The following DDX24 variants were observed in gnomAD, a reference collection of about 807,000 sequenced individuals.
The protein encoded by DDX24 is ATP-dependent RNA helicase DDX24.
A neutral mutation model predicts 68.9 loss-of-function variants in DDX24; 24 were observed. That is an observed-to-expected ratio of 0.35 (90% CI 0.25 to 0.49). The LOEUF (loss-of-function observed/expected upper bound fraction) is 0.49, where lower values mean the gene tolerates loss of function less well. Among genes scored for constraint, DDX24 ranks in the 20% least tolerant of loss-of-function variants. DDX24 has a pLI of 0.99. For missense variants in DDX24, 989 were observed against 1,039.0 expected (o/e 0.95, Z 0.66); for synonymous variants, 395 against 385.2 (o/e 1.03, Z -0.30).
intron 8 of DDX24, chr14:94,051,828 A>C: frequency 4.9e-6 from 1 of 203,406 alleles, no homozygotes; most frequent in Non-Finnish European, 9.7e-6. Context: ...TCTTCCTATG[A>C]CCCACCCACT....
At chr14:94,058,707 C>T (rs755361210) in intron 5 of DDX24, among the ~76,000 whole-genome samples, 1 of 152,184 alleles carries the variant, frequency 6.6e-6, no homozygotes, top group Non-Finnish European at 1.5e-5. Flanking sequence ...CTTCAGGGTC[C>T]TCACTCCCTG....
Position 94,053,064 on chromosome 14 carries a change from G to A in DDX24, c.2242C>T (p.His748Tyr). The change falls in exon 8 of 9, where the codon CAC (histidine) becomes TAC (tyrosine). Residue 748 changes from histidine to tyrosine, a missense_variant. This residue lies in a region of DDX24 where 691 missense variants were observed against 760.0 expected (regional missense o/e 0.91). Coordinates refer to ENST00000621632, the MANE Select transcript of DDX24 (RefSeq NM_020414.4). The part of the protein sequence containing the change: ...SEYRNFQACL[H>Y]NSWIEQAAAA... ...GCTGCCTGCTCAATCCAAGAGTTGT[G>A]CAGGCAAGCCTGGAAGTTCCGATAC... 1.9e-6 allele frequency: 3 copies of A among 1,614,194 alleles called. No individual in the cohort carries two copies. Among genetic ancestry groups the A allele is most frequent in the Non-Finnish European group, 2.5e-6 (3 of 1,180,020 alleles).
At chr14:94,055,212 T>C (rs369332466) in intron 6 of DDX24, 28 bp from the exon 7 acceptor site, 15 of 1,602,420 alleles carry the variant, frequency 9.4e-6, no homozygotes, top group African/African-American at 5.3e-5. Context: ...GGGAGATCAA[T>C]ACATGGCCAC....
chr14:94,061,854 C>T (rs1885603585), intron 3 of DDX24, among the ~76,000 whole-genome samples: 1 of 152,154 alleles, frequency 6.6e-6, no homozygotes. Context: ...GTTTGCTAAT[C>T]CCTGCCCTGA....
At chr14:94,071,529 A>G (rs1279247006) in intron 2 of DDX24, among the ~76,000 whole-genome samples, 1 of 152,190 alleles carries the variant, frequency 6.6e-6, no homozygotes, top group Non-Finnish European at 1.5e-5. Flanking sequence ...GGCACCTGTA[A>G]TCCCAGCTAC....
intron 7 of DDX24, among the ~76,000 whole-genome samples, chr14:94,054,212 G>A (rs1885449167): frequency 6.6e-6 from 1 of 152,118 alleles, no homozygotes; most frequent in South Asian, 2.1e-4. Flanking sequence ...GGGAAGCCTG[G>A]GTGGCTCCTA....
chr14:94,060,476 A>G lies in DDX24; in HGVS notation c.1535T>C (p.Leu512Pro). The change falls in exon 5 of 9, where the codon CTG becomes CCG. Residue 512 changes from leucine (L) to proline (P), a missense_variant. Physicochemically the swap from Leu to Pro is moderately conservative, Grantham distance 98. Coordinates refer to ENST00000621632, the MANE Select transcript of DDX24 (RefSeq NM_020414.4). The part of the protein sequence containing the change: ...QTLVFSATLT[L>P]VHQAPARILH... Reference sequence around the variant, plus strand: ...GATTCGAGCAGGAGCCTGATGCACCAGGGTGAGTGTGGCAGAAAAAACAAG... The same window carrying G: ...GATTCGAGCAGGAGCCTGATGCACCGGGGTGAGTGTGGCAGAAAAAACAAG... 1 of 1,614,174 alleles carries G rather than the reference A, an allele frequency of 6.2e-7. No individual in the cohort carries two copies. The highest frequency in any genetic ancestry group is 8.5e-7 in the Non-Finnish European group (1 of 1,180,036).
chr14:94,073,295 G>C (rs1336844339), intron 2 of DDX24, among the ~76,000 whole-genome samples: 2 of 152,032 alleles, frequency 1.3e-5, no homozygotes, highest in Admixed American at 1.3e-4. Flanking sequence ...ATGTTGGCCA[G>C]GCTGGTTTTG....
chr14:94,073,089 T>TTC (rs1279151950), intron 2 of DDX24, among the ~76,000 whole-genome samples: 1 of 146,258 alleles, frequency 6.8e-6, no homozygotes, highest in African/African-American at 2.5e-5. Context: ...TTCTTTTCTT[T>TTC]TTTTTTTTTT....
chr14:94,062,379 T>A lies in DDX24; in HGVS notation c.961A>T (p.Thr321Ser). The A allele has an allele frequency of 6.2e-7, 1 of 1,614,198 alleles. No homozygotes were observed. The highest frequency in any genetic ancestry group is 8.5e-7 in the Non-Finnish European group (1 of 1,180,038). Residue 321 changes from threonine (T) to serine (S), a missense_variant, in exon 3 of 9, where the codon ACT becomes TCT. By Grantham distance (58) the Thr-to-Ser change is moderately conservative. Around this residue, in one of 3 missense-constraint regions of DDX24, gnomAD observed 691 missense variants for 760.0 expected, o/e 0.91. Transcript: ENST00000621632. The stretch of plus-strand genomic sequence containing the variant: ...GCCTGGTCTGAGACAGTGCCTCCAG[T>A]CTTGGCTCTGGCCTCGGCTGCAATA... The part of the protein sequence containing the change: ...SDIAAEARAK[T>S]GGTVSDQALL...
In DDX24 at chr14:94,062,563, C is replaced by A; in HGVS notation, c.777G>T (p.Gln259His). The change falls in exon 3 of 9, where the codon CAG (glutamine) becomes CAT (histidine). Residue 259 changes from glutamine (Q) to histidine (H), a missense_variant. By Grantham distance (24) the Gln-to-His change is conservative (BLOSUM62 0). Transcript: ENST00000621632. ...IPMIHAVLQW[Q>H]KRNAAPPPSN... The stretch of plus-strand genomic sequence containing the variant: ...TTGGAGGAGGGGCAGCATTCCTCTT[C>A]TGCCACTGCAACACCGCATGAATCA... 4 of 1,614,052 alleles carry A rather than the reference C, an allele frequency of 2.5e-6. No individual in the cohort carries two copies. The highest frequency in any genetic ancestry group is 3.4e-6 in the Non-Finnish European group (4 of 1,179,978).
chr14:94,053,312 T>G, intron 7 of DDX24, 185 bp from the exon 8 acceptor site: 1 of 367,550 alleles, frequency 2.7e-6, no homozygotes. Context: ...TCCTCCCACC[T>G]CAGCCTCCCA....
rs1451343000 is a variant in DDX24, at chr14:94,079,426, T to C, written c.317A>G (p.Asn106Ser). Reference protein sequence around the residue: ...KKKIKLKKSKNVATEGTSTQK... With the variant: ...KKKIKLKKSKSVATEGTSTQK... ...GGTACTGGTTCCTTCAGTTGCTACA[T>C]TTTTACTTTTCTTCAACTTGATCTT... The change falls in exon 2 of 9, where the codon AAT (asparagine) becomes AGT (serine). Residue 106 changes from asparagine to serine, a missense_variant. Asn to Ser is a conservative substitution (Grantham distance 46). Transcript: ENST00000621632. 7 of 1,614,044 alleles carry C rather than the reference T, an allele frequency of 4.3e-6. No homozygotes were observed. The highest frequency in any genetic ancestry group is 5.9e-6 in the Non-Finnish European group (7 of 1,180,030).
Position 94,079,831 on chromosome 14 carries a change from G to T in DDX24, c.-5-84C>A. The stretch of plus-strand genomic sequence containing the variant: ...TAACAAATATTTTCTAAGCAACTAG[G>T]CCCTACAAAGAACTGAGGATACAAA... On this transcript the variant is annotated intron_variant, in intron 1 of 8. Coordinates refer to ENST00000621632, the MANE Select transcript of DDX24 (RefSeq NM_020414.4). 3.9e-6 allele frequency: 5 copies of T among 1,268,798 alleles called. No individual in the cohort carries two copies. In the South Asian group the frequency reaches 5.5e-5, roughly 14 times the overall value. The allele number at this position is 1,268,798 out of a possible 1,614,324, so 78.6% of individuals were successfully genotyped here.
chr14:94,051,173 A>C lies in DDX24; in HGVS notation c.*18T>G. The C allele has an allele frequency of 6.7e-7, 1 of 1,483,818 alleles. No individual in the cohort carries two copies. Among genetic ancestry groups the C allele is most frequent in the Non-Finnish European group, 8.9e-7 (1 of 1,124,002 alleles). 91.9% of individuals were successfully genotyped at this position (1,483,818 alleles called of 1,614,324 possible). ...AGAGAACAGAAACCAATGTGCAGTC[A>C]CTGACACACTTGACCAGTTAATTTG... is the stretch of plus-strand genomic sequence containing the variant. On this transcript the variant is annotated 3_prime_UTR_variant, in exon 9 of 9. Coordinates refer to ENST00000621632, the MANE Select transcript of DDX24 (RefSeq NM_020414.4).
At chr14:94,056,448 G>A (rs532470623) in intron 6 of DDX24, 2 of 152,182 alleles carry the variant, frequency 1.3e-5, no homozygotes, top group Non-Finnish European at 2.9e-5. Context: ...GACAGAGTTT[G>A]GAGAACTTTT....
chr14:94,064,685 T>TCATC (rs1885664647), intron 2 of DDX24, among the ~76,000 whole-genome samples: 1 of 152,228 alleles, frequency 6.6e-6, no homozygotes, highest in Non-Finnish European at 1.5e-5. Context: ...CTTGCCCTAG[T>TCATC]CATCTCATCC....
intron 2 of DDX24, among the ~76,000 whole-genome samples, chr14:94,071,894 G>C (rs781256192): frequency 5.3e-5 from 8 of 151,394 alleles, no homozygotes; most frequent in Non-Finnish European, 8.8e-5. Flanking sequence ...GCAGTGAGCC[G>C]AGATTGCGCC....
chr14:94,058,871 A>C (rs1263691640), intron 5 of DDX24, among the ~76,000 whole-genome samples: 3 of 152,122 alleles, frequency 2.0e-5, no homozygotes, highest in Non-Finnish European at 4.4e-5. Flanking sequence ...CAACTATTCA[A>C]CTCTGCCGCA....
Sources: allele counts gnomAD v4.1 joint callset (sites outside exome capture counted in the v4.1 genomes callset), GRCh38; gene constraint gnomAD v4.1.1; regional missense constraint gnomAD v4.1.1; transcripts MANE v1.5; gene names NCBI Gene and HGNC (gene_info 2026-07-23, HGNC 2026-07-21).